SGCD: variants seen among roughly 807,000 people sequenced by gnomAD.
SGCD encodes the protein delta-sarcoglycan.
A neutral mutation model predicts 36.6 loss-of-function variants in SGCD; 18 were observed. The ratio of observed to expected loss-of-function variants is 0.49; its 90% CI spans 0.34 to 0.73. The LOEUF is 0.73. Ranked by LOEUF, SGCD falls within the 30% of genes least tolerant of loss-of-function variation. The probability of loss-of-function intolerance (pLI) is 0.01; values close to 1 mark genes in which losing one functional copy is unlikely to be tolerated. For missense variants in SGCD, 387 were observed against 346.7 expected, an observed-to-expected ratio of 1.12 and a Z score of -0.92; for synonymous variants, 133 against 130.6, an observed-to-expected ratio of 1.02 and a Z score of -0.12.
chr5:156,692,613 T>C (rs1754159095), intron 7 of SGCD, among the ~76,000 whole-genome samples: 1 of 152,224 alleles, frequency 6.6e-6, no homozygotes, highest in African/African-American at 2.4e-5. Context: ...CTCTATATTG[T>C]TTAGAAGCAA....
intron 3 of SGCD, among the ~76,000 whole-genome samples, chr5:156,440,234 C>T (rs796976038): frequency 6.6e-6 from 1 of 152,128 alleles, no homozygotes; most frequent in African/African-American, 2.4e-5. Context: ...TGAAATCATA[C>T]AACATTTGGC....
At chr5:156,180,540 G>T (rs1763582849) in intron 3 of SGCD, among the ~76,000 whole-genome samples, 1 of 152,080 alleles carries the variant, frequency 6.6e-6, no homozygotes, top group Non-Finnish European at 1.5e-5. Context: ...TTAAGAAAAT[G>T]AAAATTTAAA....
chr5:155,985,539 G>A (rs568159665), intron 1 of SGCD, among the ~76,000 whole-genome samples: 31 of 152,244 alleles, frequency 2.0e-4, no homozygotes, highest in African/African-American at 7.0e-4. Flanking sequence ...CTAGGGATTA[G>A]GATGTGGAAT....
intron 7 of SGCD, among the ~76,000 whole-genome samples, chr5:156,671,522 C>A (rs189375709): frequency 1.3e-5 from 2 of 152,228 alleles, no homozygotes; most frequent in East Asian, 1.9e-4. Context: ...GATCCACCCA[C>A]CTCGGCCTCC....
At chr5:156,701,540 G>A (rs547832434) in intron 7 of SGCD, among the ~76,000 whole-genome samples, 4 of 152,256 alleles carry the variant, frequency 2.6e-5, no homozygotes, top group South Asian at 4.1e-4. Flanking sequence ...TTGCTCAAAA[G>A]TATCTAATTG....
At chr5:156,121,597 T>G (rs772569666) in intron 2 of SGCD, among the ~76,000 whole-genome samples, 4 of 152,118 alleles carry the variant, frequency 2.6e-5, no homozygotes, top group Admixed American at 6.6e-5. Flanking sequence ...GTATTTATGT[T>G]ACCGCAATGA....
intron 7 of SGCD, among the ~76,000 whole-genome samples, chr5:156,743,802 T>C (rs1242651846): frequency 6.6e-6 from 1 of 152,196 alleles, no homozygotes; most frequent in African/African-American, 2.4e-5. Flanking sequence ...ACTCAGCAGA[T>C]TCATTGGTAA....
the SGCD span, among the ~76,000 whole-genome samples, chr5:155,840,811 A>G: frequency 6.6e-6 from 1 of 151,636 alleles, no homozygotes; most frequent in Non-Finnish European, 1.5e-5. Flanking sequence ...CAGGAGTTCA[A>G]GACCAGCCTG....
chr5:155,987,367 C>A (rs562510637), intron 1 of SGCD, among the ~76,000 whole-genome samples: 1 of 152,162 alleles, frequency 6.6e-6, no homozygotes, highest in African/African-American at 2.4e-5. Flanking sequence ...AAAATCCACG[C>A]TCTTCCATGT....
At chr5:155,874,683 G>T (rs1390964781) in intron 1 of SGCD, among the ~76,000 whole-genome samples, 1 of 152,056 alleles carries the variant, frequency 6.6e-6, no homozygotes, top group Non-Finnish European at 1.5e-5. Flanking sequence ...GTCACCGGGG[G>T]AGATGCACGT....
chr5:156,022,457 A>G (rs1759126542), intron 1 of SGCD, among the ~76,000 whole-genome samples: 1 of 152,234 alleles, frequency 6.6e-6, no homozygotes, highest in Admixed American at 6.5e-5. Context: ...ATAGAATAAC[A>G]TGTAGTTTCT....
chr5:156,700,804 G>A (rs1378340936), intron 7 of SGCD, among the ~76,000 whole-genome samples: 1 of 151,970 alleles, frequency 6.6e-6, no homozygotes, highest in African/African-American at 2.4e-5. Context: ...TTAGCCAGGT[G>A]TAGTGGCACA....
At chr5:156,307,725 A>G (rs1767264036) in intron 3 of SGCD, among the ~76,000 whole-genome samples, 1 of 151,706 alleles carries the variant, frequency 6.6e-6, no homozygotes, top group Non-Finnish European at 1.5e-5. Flanking sequence ...TAACCTCTTA[A>G]TATTATAACA....
At chr5:156,759,073 A>C in intron 8 of SGCD, 144 bp from the exon 9 acceptor site, 2 of 632,240 alleles carry the variant, frequency 3.2e-6, no homozygotes, top group Non-Finnish European at 5.6e-6. Context: ...TTGGTATCCA[A>C]ATCCCCAGTA....
intron 7 of SGCD, among the ~76,000 whole-genome samples, chr5:156,712,738 C>T (rs1755047308): frequency 6.6e-6 from 1 of 152,184 alleles, no homozygotes; most frequent in South Asian, 2.1e-4. Context: ...TTGTGCTCCA[C>T]CCTCGGACTT....
the SGCD span, among the ~76,000 whole-genome samples, chr5:155,828,131 C>T: frequency 6.6e-6 from 1 of 152,124 alleles, no homozygotes; most frequent in Non-Finnish European, 1.5e-5. Context: ...TTTCATTTCT[C>T]TGTGCCTATT....
At chr5:155,811,937 A>G in the SGCD span, among the ~76,000 whole-genome samples, 8 of 151,736 alleles carry the variant, frequency 5.3e-5, no homozygotes, top group Admixed American at 3.9e-4. Flanking sequence ...AGTACAGTAT[A>G]CAGAGATTAG....
At chr5:156,529,026 G>C (rs1757764633) in intron 4 of SGCD, among the ~76,000 whole-genome samples, 1 of 152,142 alleles carries the variant, frequency 6.6e-6, no homozygotes, top group African/African-American at 2.4e-5. Flanking sequence ...AGCTTGGTTT[G>C]TTCCTTTAGT....
At chr5:155,814,645 T>A in the SGCD span, among the ~76,000 whole-genome samples, 1 of 152,096 alleles carries the variant, frequency 6.6e-6, no homozygotes, top group African/African-American at 2.4e-5. Flanking sequence ...TGAATATGCA[T>A]GGAGACAGAG....
Sources: allele counts gnomAD v4.1 joint callset (sites outside exome capture counted in the v4.1 genomes callset), GRCh38; gene constraint gnomAD v4.1.1; transcripts MANE v1.5; gene names NCBI Gene and HGNC (gene_info 2026-07-23, HGNC 2026-07-21).